Variants in NAALADL2 observed in about 807,000 individuals in gnomAD.
The protein encoded by NAALADL2 is N-acetylated alpha-linked acidic dipeptidase like 2, also known as inactive N-acetylated-alpha-linked acidic dipeptidase-like protein 2.
Under a neutral mutation model 87.2 loss-of-function variants are expected in NAALADL2, and 76 were observed. The observed-to-expected ratio is 0.87, with a 90% CI of 0.72 to 1.05. The LOEUF is 1.05. Ranked by LOEUF, NAALADL2 falls within the 50% of genes least tolerant of loss-of-function variation. The probability of loss-of-function intolerance (pLI) is 0.00; values close to 1 mark genes in which losing one functional copy is unlikely to be tolerated. For synonymous variants in NAALADL2, 354 were observed against 331.0 expected, an observed-to-expected ratio of 1.07 and a Z score of -0.75; for missense variants, 1,089 against 945.8, an observed-to-expected ratio of 1.15 and a Z score of -1.99.
At chr3:174,481,595 C>G (rs1442903218) in intron 1 of NAALADL2, among the ~76,000 whole-genome samples, 1 of 152,008 alleles carries the variant, frequency 6.6e-6, no homozygotes, top group Non-Finnish European at 1.5e-5. Context: ...AAGACCACAC[C>G]CAGTTTTGAT....
At chr3:175,007,532 C>T (rs916080645) in intron 1 of NAALADL2, among the ~76,000 whole-genome samples, 8 of 152,064 alleles carry the variant, frequency 5.3e-5, no homozygotes, top group African/African-American at 1.7e-4. Context: ...GCCCCTGGGG[C>T]TATAGATTTA....
intron 9 of NAALADL2, among the ~76,000 whole-genome samples, chr3:175,534,279 T>C (rs991629778): frequency 2.0e-5 from 3 of 151,976 alleles, no homozygotes; most frequent in East Asian, 3.9e-4. Context: ...ATAGAATAGA[T>C]AGATGGACAG....
At chr3:175,492,682 A>G (rs1728272448) in intron 9 of NAALADL2, among the ~76,000 whole-genome samples, 1 of 152,156 alleles carries the variant, frequency 6.6e-6, no homozygotes, top group Non-Finnish European at 1.5e-5. Context: ...TAAAGCACAC[A>G]CATATTCATA....
chr3:174,586,984 T>TC (rs1017473148), intron 2 of NAALADL2, among the ~76,000 whole-genome samples: 12 of 127,416 alleles, frequency 9.4e-5, no homozygotes, highest in Admixed American at 3.1e-4. Context: ...CCCTTGCCCC[T>TC]CCCCCCACCC....
At chr3:175,300,242 A>C (rs1446481779) in intron 4 of NAALADL2, among the ~76,000 whole-genome samples, 1 of 151,966 alleles carries the variant, frequency 6.6e-6, no homozygotes, top group Non-Finnish European at 1.5e-5. Flanking sequence ...ATTGGCCTGG[A>C]ATTTTCTTTT....
intron 1 of NAALADL2, among the ~76,000 whole-genome samples, chr3:174,473,028 A>G (rs1321726139): frequency 6.6e-6 from 1 of 152,204 alleles, no homozygotes; most frequent in Non-Finnish European, 1.5e-5. Flanking sequence ...GGTATAGTAA[A>G]GAGGGAATAA....
chr3:175,394,547 T>A (rs577776506), intron 5 of NAALADL2, among the ~76,000 whole-genome samples: 1 of 152,326 alleles, frequency 6.6e-6, no homozygotes, highest in South Asian at 2.1e-4. Context: ...CACCTTGAGA[T>A]TCATTGTGTT....
intron 11 of NAALADL2, among the ~76,000 whole-genome samples, chr3:175,628,849 C>T (rs1727370113): frequency 6.7e-6 from 1 of 150,064 alleles, no homozygotes; most frequent in Non-Finnish European, 1.5e-5. Flanking sequence ...CCCTGAAGAG[C>T]TGTGTGAATT....
chr3:174,715,573 G>GT (rs1731104570), intron 2 of NAALADL2, among the ~76,000 whole-genome samples: 1 of 152,134 alleles, frequency 6.6e-6, no homozygotes, highest in African/African-American at 2.4e-5. Context: ...CTTGCTGTCA[G>GT]TGGGACATAT....
At chr3:174,492,458 G>A (rs969803125) in intron 1 of NAALADL2, among the ~76,000 whole-genome samples, 6 of 152,060 alleles carry the variant, frequency 3.9e-5, no homozygotes, top group African/African-American at 1.4e-4. Flanking sequence ...AACAAAGACT[G>A]CTGGAATATT....
chr3:175,786,213 C>T lies in NAALADL2; in HGVS notation c.2190-16792C>T, dbSNP rs557565009. Reference sequence around the variant, plus strand: ...CTCTTCTCGAGGAGTATCTTTGTGGCGTTCTCTGTATTTCCTGAATCTGAA... The same window carrying T: ...CTCTTCTCGAGGAGTATCTTTGTGGTGTTCTCTGTATTTCCTGAATCTGAA... On this transcript the variant is annotated intron_variant, in intron 13 of 13. Transcript: ENST00000454872. Among the ~76,000 whole-genome samples, 137 of 151,768 alleles carry T rather than the reference C, an allele frequency of 9.0e-4. 2 individuals are homozygous for T. In the South Asian group the frequency reaches 0.012, roughly 13 times the overall value.
intron 2 of NAALADL2, among the ~76,000 whole-genome samples, chr3:174,578,250 G>A (rs1715763862): frequency 6.6e-6 from 1 of 151,806 alleles, no homozygotes; most frequent in African/African-American, 2.4e-5. Flanking sequence ...TCATTTTTGT[G>A]ACAATAATTG....
At chr3:174,746,999 C>A (rs902976659) in intron 3 of NAALADL2, among the ~76,000 whole-genome samples, 6 of 152,048 alleles carry the variant, frequency 3.9e-5, no homozygotes, top group Non-Finnish European at 5.9e-5. Flanking sequence ...TAGGCAATAC[C>A]ATTTGGGAAA....
At chr3:175,145,617 G>A (rs1730634050) in intron 2 of NAALADL2, among the ~76,000 whole-genome samples, 2 of 151,992 alleles carry the variant, frequency 1.3e-5, no homozygotes, top group African/African-American at 4.8e-5. Context: ...GACTTACTTT[G>A]TTCTTGGCTG....
At chr3:174,709,099 C>T (rs1196415653) in intron 2 of NAALADL2, among the ~76,000 whole-genome samples, 2 of 151,946 alleles carry the variant, frequency 1.3e-5, no homozygotes, top group African/African-American at 4.8e-5. Flanking sequence ...GTTATTTATT[C>T]CTTTATTTAA....
At chr3:174,968,672 G>A (rs759161129) in intron 1 of NAALADL2, among the ~76,000 whole-genome samples, 2 of 152,042 alleles carry the variant, frequency 1.3e-5, no homozygotes, top group South Asian at 2.1e-4. Context: ...TAGAGACGGG[G>A]TTTCACCAAG....
intron 11 of NAALADL2, among the ~76,000 whole-genome samples, chr3:175,670,752 T>A (rs533731702): frequency 4.9e-4 from 74 of 151,202 alleles, no homozygotes; most frequent in African/African-American, 1.7e-3. Flanking sequence ...CCACACAAAA[T>A]TATCCAACGT....
chr3:175,641,902 A>G (rs1371091904), intron 11 of NAALADL2, among the ~76,000 whole-genome samples: 1 of 152,242 alleles, frequency 6.6e-6, no homozygotes, highest in Non-Finnish European at 1.5e-5. Context: ...AGTTACCAAT[A>G]CATACCATTA....
intron 11 of NAALADL2, among the ~76,000 whole-genome samples, chr3:175,649,407 GA>G (rs547293804): frequency 0.22 from 28,728 of 128,722 alleles, 2,914 homozygotes; most frequent in Middle Eastern, 0.29. Flanking sequence ...AAGTGTCTCT[GA>G]AAAAAAAAAA....
Sources: allele counts gnomAD v4.1 joint callset (sites outside exome capture counted in the v4.1 genomes callset), GRCh38; gene constraint gnomAD v4.1.1; transcripts MANE v1.5; gene names NCBI Gene and HGNC (gene_info 2026-07-23, HGNC 2026-07-21).